The following SGCZ variants were observed in gnomAD, a reference collection of about 807,000 sequenced individuals.
SGCZ encodes zeta-sarcoglycan.
A neutral mutation model predicts 41.3 loss-of-function variants in SGCZ; 40 were observed. The ratio of observed to expected loss-of-function variants is 0.97; its 90% CI spans 0.75 to 1.26. SGCZ has a LOEUF of 1.26. Ranked by LOEUF, SGCZ falls within the 50% of genes most tolerant of loss-of-function variation. The probability of loss-of-function intolerance (pLI) is 0.00; values close to 1 mark genes in which losing one functional copy is unlikely to be tolerated. For missense variants in SGCZ, 552 were observed against 369.8 expected (o/e 1.49, Z -4.04); for synonymous variants, 206 against 137.5 (o/e 1.50, Z -3.49).
rs188984447 is a variant in SGCZ at position 14,455,970 on chromosome 8, C to T, written c.234+98762G>A. The stretch of plus-strand genomic sequence containing the variant: ...TATACCTAAAGTAGATTTGTAGTTA[C>T]CTACAGTTGGAGGGGAGGGGATGCG... On this transcript the variant is annotated intron_variant, in intron 2 of 7. Transcript: ENST00000382080. 2.6e-4 allele frequency among the ~76,000 whole-genome samples: 39 copies of T among 152,230 alleles called. No homozygotes were observed. In the East Asian group the frequency reaches 6.2e-3, roughly 24 times the overall value.
At chr8:14,949,390 C>T (rs746496362) in intron 1 of SGCZ, among the ~76,000 whole-genome samples, 1 of 152,008 alleles carries the variant, frequency 6.6e-6, no homozygotes, top group Non-Finnish European at 1.5e-5. Context: ...GAAATATGTA[C>T]CTATTCCTTT....
At chr8:14,412,478 A>G (rs28539573) in intron 2 of SGCZ, among the ~76,000 whole-genome samples, 47,956 of 151,748 alleles carry the variant, frequency 0.32, 7,643 homozygotes, top group Admixed American at 0.36. Context: ...TTCCAATTAA[A>G]ATAGATAATC....
chr8:14,718,135 A>G (rs548630729), intron 1 of SGCZ, among the ~76,000 whole-genome samples: 19 of 151,860 alleles, frequency 1.3e-4, no homozygotes, highest in African/African-American at 4.6e-4. Flanking sequence ...CTTTTTTTAT[A>G]TTATTGAAAT....
intron 2 of SGCZ, among the ~76,000 whole-genome samples, chr8:14,339,420 T>A (rs1206831145): frequency 6.6e-6 from 1 of 152,208 alleles, no homozygotes; most frequent in Admixed American, 6.5e-5. Flanking sequence ...ACACAAATTA[T>A]GATGTTTAAT....
intron 7 of SGCZ, among the ~76,000 whole-genome samples, chr8:14,096,832 G>A (rs1236827754): frequency 6.6e-6 from 1 of 151,992 alleles, no homozygotes; most frequent in Admixed American, 6.6e-5. Context: ...TTTAGTCTTG[G>A]GAAGGTGTAT....
chr8:14,597,231 C>A (rs1805441181), intron 1 of SGCZ, among the ~76,000 whole-genome samples: 2 of 152,136 alleles, frequency 1.3e-5, no homozygotes, highest in Admixed American at 6.5e-5. Context: ...TTTCTTCAAC[C>A]AATATATTCA....
chr8:14,741,682 A>C (rs150868544), intron 1 of SGCZ, among the ~76,000 whole-genome samples: 86 of 152,244 alleles, frequency 5.6e-4, no homozygotes, highest in African/African-American at 1.9e-3. Flanking sequence ...TAATGCAAAA[A>C]TATAAAATGT....
intron 1 of SGCZ, among the ~76,000 whole-genome samples, chr8:15,135,750 G>A (rs1808079142): frequency 6.6e-6 from 1 of 151,994 alleles, no homozygotes; most frequent in Non-Finnish European, 1.5e-5. Context: ...GATGGTTCTT[G>A]GCCTATCCCA....
intron 1 of SGCZ, among the ~76,000 whole-genome samples, chr8:14,634,637 T>C (rs974025101): frequency 4.6e-5 from 7 of 151,822 alleles, no homozygotes; most frequent in Admixed American, 4.0e-4. Flanking sequence ...GTAAAACCAC[T>C]GAGGTCTCCA....
At chr8:14,497,468 G>T (rs1239284062) in intron 2 of SGCZ, among the ~76,000 whole-genome samples, 5 of 152,154 alleles carry the variant, frequency 3.3e-5, no homozygotes, top group African/African-American at 1.2e-4. Context: ...GCTGAATGCA[G>T]CCCAGGACAG....
At chr8:14,158,232 G>C (rs1009699935) in intron 5 of SGCZ, among the ~76,000 whole-genome samples, 1 of 151,962 alleles carries the variant, frequency 6.6e-6, no homozygotes, top group Non-Finnish European at 1.5e-5. Context: ...CTTTTGTCCT[G>C]CCAAAGATTT....
At chr8:14,638,220 T>C (rs537407313) in intron 1 of SGCZ, among the ~76,000 whole-genome samples, 26 of 151,854 alleles carry the variant, frequency 1.7e-4, no homozygotes, top group Non-Finnish European at 2.7e-4. Flanking sequence ...TTTGTCAGGA[T>C]GTCCTGCTGA....
chr8:14,956,860 G>C (rs1800810615), intron 1 of SGCZ, among the ~76,000 whole-genome samples: 2 of 152,118 alleles, frequency 1.3e-5, no homozygotes, highest in South Asian at 2.1e-4. Flanking sequence ...TTTAGAAAGA[G>C]TAATGAATTT....
chr8:14,400,584 T>G (rs977209105), intron 2 of SGCZ, among the ~76,000 whole-genome samples: 1 of 152,124 alleles, frequency 6.6e-6, no homozygotes, highest in African/African-American at 2.4e-5. Flanking sequence ...TCTTTTAAAT[T>G]ATCAGGTTAC....
intron 2 of SGCZ, among the ~76,000 whole-genome samples, chr8:14,347,417 T>C (rs1159189932): frequency 6.6e-6 from 1 of 152,088 alleles, no homozygotes; most frequent in Non-Finnish European, 1.5e-5. Flanking sequence ...ATGTGATTAA[T>C]TGCATTAGAA....
At chr8:15,044,289 C>A (rs1281299227) in intron 1 of SGCZ, among the ~76,000 whole-genome samples, 2 of 152,104 alleles carry the variant, frequency 1.3e-5, no homozygotes, top group Non-Finnish European at 2.9e-5. Context: ...TCCATCAATT[C>A]AACCCTTCTT....
intron 1 of SGCZ, among the ~76,000 whole-genome samples, chr8:15,130,215 T>C (rs935193605): frequency 2.0e-5 from 3 of 152,112 alleles, no homozygotes; most frequent in African/African-American, 4.8e-5. Flanking sequence ...CTGCAAAAAC[T>C]GAGCTGTGCA....
At chr8:15,116,240 AACC>A (rs771173561) in intron 1 of SGCZ, among the ~76,000 whole-genome samples, 33 of 152,216 alleles carry the variant, frequency 2.2e-4, no homozygotes, top group Non-Finnish European at 3.5e-4. Context: ...AAACAATCAG[AACC>A]AGAATATATA....
chr8:14,784,758 C>T (rs975934979), intron 1 of SGCZ, among the ~76,000 whole-genome samples: 15 of 150,476 alleles, frequency 1.0e-4, no homozygotes, highest in African/African-American at 2.4e-4. Flanking sequence ...CAAAATTAGG[C>T]GGGCATGGTG....
Sources: gnomAD v4.1 joint callset for allele counts (sites outside exome capture counted in the v4.1 genomes callset) on GRCh38, gnomAD v4.1.1 for gene constraint, MANE v1.5 for transcripts, NCBI Gene and HGNC (gene_info 2026-07-23, HGNC 2026-07-21) for gene names.